MRTFA: variants seen among roughly 807,000 people sequenced by gnomAD.
The protein encoded by MRTFA is myocardin related transcription factor A, also known as myocardin-related transcription factor A.
Under a neutral mutation model 83.5 loss-of-function variants are expected in MRTFA, and 20 were observed. That is an observed-to-expected ratio of 0.24 (90% CI 0.17 to 0.35). The LOEUF (loss-of-function observed/expected upper bound fraction) is 0.35. Ranked by LOEUF, MRTFA falls within the 10% of genes least tolerant of loss-of-function variation. The probability of loss-of-function intolerance (pLI) is 1.00; values close to 1 mark genes in which losing one functional copy is unlikely to be tolerated. For synonymous variants in MRTFA, 659 were observed against 541.2 expected (o/e 1.22, Z -3.02); for missense variants, 1,200 against 1,224.7 (o/e 0.98, Z 0.30).
At chr22:40,446,905 G>C (rs563956216) in intron 4 of MRTFA, among the ~76,000 whole-genome samples, 1 of 152,150 alleles carries the variant, frequency 6.6e-6, no homozygotes, top group African/African-American at 2.4e-5. Flanking sequence ...TCATGTTTTC[G>C]TGGAGCTTAT....
At chr22:40,569,719 ACATAC>A (rs1355343902) in intron 2 of MRTFA, 1 of 1,942 alleles carries the variant, frequency 5.1e-4, no homozygotes, top group African/African-American at 3.4e-3. Context: ...CATAATTAAT[ACATAC>A]ATACATACAT....
intron 1 of MRTFA, among the ~76,000 whole-genome samples, chr22:40,629,993 C>G (rs1358686926): frequency 1.3e-5 from 2 of 151,756 alleles, no homozygotes; most frequent in Non-Finnish European, 2.9e-5. Context: ...GTTTGAGGGA[C>G]AAGGTTAATC....
chr22:40,452,541 A>G (rs2053513137), intron 4 of MRTFA, among the ~76,000 whole-genome samples: 1 of 152,148 alleles, frequency 6.6e-6, no homozygotes, highest in Non-Finnish European at 1.5e-5. Context: ...GACTACTTTC[A>G]GCCAGGCACA....
rs147864441 is a variant in MRTFA at position 40,561,724 on chromosome 22, T to A, written c.-21-9357A>T. Among the ~76,000 whole-genome samples the A allele has an allele frequency of 8.5e-5, 13 of 152,248 alleles. No individual in the cohort carries two copies. In the East Asian group the frequency reaches 2.5e-3, roughly 29 times the overall value. ...ATATAACAAAACAATGGAAAGCACA[T>A]GGAAGAGTAATGTGGCAGATTAAAG... On this transcript the variant is annotated intron_variant, in intron 2 of 14. Transcript: ENST00000355630.
At chr22:40,554,961 GC>G (rs2055498426) in intron 2 of MRTFA, among the ~76,000 whole-genome samples, 5 of 152,224 alleles carry the variant, frequency 3.3e-5, no homozygotes, top group African/African-American at 9.6e-5. Context: ...TTTAATGACT[GC>G]CCTGCTGGGT....
At chr22:40,549,330 C>T (rs766834849) in intron 3 of MRTFA, among the ~76,000 whole-genome samples, 13 of 152,144 alleles carry the variant, frequency 8.5e-5, no homozygotes, top group Non-Finnish European at 1.6e-4. Context: ...ACAACCTAAA[C>T]ATCCAGGAAC....
chr22:40,422,957 G>A (rs2052872647), intron 9 of MRTFA, among the ~76,000 whole-genome samples: 1 of 152,164 alleles, frequency 6.6e-6, no homozygotes, highest in South Asian at 2.1e-4. Flanking sequence ...TGGGGTCCCC[G>A]AGATCCTGGT....
chr22:40,448,076 A>G (rs1458121648), intron 4 of MRTFA, among the ~76,000 whole-genome samples: 1 of 152,144 alleles, frequency 6.6e-6, no homozygotes, highest in African/African-American at 2.4e-5. Context: ...CTTTGGGAGT[A>G]CGAGGTGGGC....
chr22:40,519,486 G>A (rs892662582), intron 3 of MRTFA: 7 of 1,344,078 alleles, frequency 5.2e-6, no homozygotes, highest in Non-Finnish European at 6.9e-6. Flanking sequence ...CTCTTCTCAT[G>A]CTTGCTTACT....
At chr22:40,545,291 G>C (rs900659234) in intron 3 of MRTFA, among the ~76,000 whole-genome samples, 1 of 152,086 alleles carries the variant, frequency 6.6e-6, no homozygotes, top group Non-Finnish European at 1.5e-5. Flanking sequence ...TTTTATCAAC[G>C]TTTTACAATT....
intron 2 of MRTFA, chr22:40,587,310 G>A (rs754754939): frequency 8.5e-6 from 4 of 468,974 alleles, no homozygotes; most frequent in Non-Finnish European, 1.7e-5. Flanking sequence ...AAAATGTTCA[G>A]TTTGCTTACA....
At chr22:40,569,590 G>A (rs1452433438) in intron 2 of MRTFA, among the ~76,000 whole-genome samples, 7 of 152,100 alleles carry the variant, frequency 4.6e-5, no homozygotes, top group Non-Finnish European at 8.8e-5. Context: ...TGGGCACGAT[G>A]GCAGCTGCCT....
chr22:40,614,756 G>A (rs1602497346), intron 1 of MRTFA, among the ~76,000 whole-genome samples: 1 of 152,172 alleles, frequency 6.6e-6, no homozygotes, highest in South Asian at 2.1e-4. Flanking sequence ...CAAAGTGCTG[G>A]GATTACAGGC....
At chr22:40,625,449 CTAAA>C (rs60700777) in intron 1 of MRTFA, among the ~76,000 whole-genome samples, 83,855 of 136,982 alleles carry the variant, frequency 0.61, 26,333 homozygotes, top group East Asian at 0.85. Flanking sequence ...GGCCCTCTCT[CTAAA>C]TAAATAAATA....
At chr22:40,444,527 T>C (rs1361486764) in intron 4 of MRTFA, among the ~76,000 whole-genome samples, 1 of 152,068 alleles carries the variant, frequency 6.6e-6, no homozygotes, top group Non-Finnish European at 1.5e-5. Context: ...TTTGGAAAAC[T>C]AAAAGAAAAA....
chr22:40,620,235 C>G (rs1258500992), intron 1 of MRTFA, among the ~76,000 whole-genome samples: 1 of 151,498 alleles, frequency 6.6e-6, no homozygotes, highest in Non-Finnish European at 1.5e-5. Flanking sequence ...AAGTGATTCT[C>G]CTACTCAGCC....
chr22:40,588,755 G>A (rs2056070697), intron 2 of MRTFA, among the ~76,000 whole-genome samples: 1 of 152,226 alleles, frequency 6.6e-6, no homozygotes. Context: ...GCCAAAGGCA[G>A]AGGACTGCTC....
At chr22:40,618,150 C>G (rs1464396788) in intron 1 of MRTFA, among the ~76,000 whole-genome samples, 1 of 151,592 alleles carries the variant, frequency 6.6e-6, no homozygotes, top group Non-Finnish European at 1.5e-5. Context: ...TCTCGGCTCA[C>G]TGCAAGCTCC....
In MRTFA at chr22:40,417,336, C is replaced by G. The variant is rs749122173; in HGVS notation, c.2517+5G>C. The G allele has an allele frequency of 1.9e-5, 30 of 1,610,224 alleles. No homozygotes were observed. The highest frequency in any genetic ancestry group is 2.5e-5 in the Non-Finnish European group (30 of 1,179,294). ...CACTAGCCAGGCCTAGCCCGCCTTCCTCACCTGCTGTTTGGGCTGCTGGCT... is the reference window on the plus strand; with the variant it reads ...CACTAGCCAGGCCTAGCCCGCCTTCGTCACCTGCTGTTTGGGCTGCTGGCT... On this transcript the variant is annotated splice_donor_5th_base_variant and intron_variant, in intron 13 of 14. Transcript: ENST00000355630.
Sources: allele counts gnomAD v4.1 joint callset (sites outside exome capture counted in the v4.1 genomes callset), GRCh38; gene constraint gnomAD v4.1.1; transcripts MANE v1.5; gene names NCBI Gene and HGNC (gene_info 2026-07-23, HGNC 2026-07-21).